The following KIF23 variants were observed in gnomAD, a reference collection of about 807,000 sequenced individuals.
KIF23 encodes kinesin-like protein KIF23.
A neutral mutation model predicts 137.5 loss-of-function variants in KIF23; 30 were observed. That is an observed-to-expected ratio of 0.22 (90% CI 0.16 to 0.30). The LOEUF is 0.30. Among genes scored for constraint, KIF23 ranks in the 10% least tolerant of loss-of-function variants. The pLI is 1.00. For missense variants in KIF23, 920 were observed against 1,194.3 expected, an observed-to-expected ratio of 0.77 and a Z score of 3.38; for synonymous variants, 367 against 391.1, an observed-to-expected ratio of 0.94 and a Z score of 0.73.
chr15:69,429,789 G>A (rs1400164934), intron 11 of KIF23, among the ~76,000 whole-genome samples: 1 of 152,102 alleles, frequency 6.6e-6, no homozygotes, highest in Non-Finnish European at 1.5e-5. Context: ...GGGAGGCCAA[G>A]GCATGTGGAT....
At chr15:69,437,697 G>A (rs2057517359) in intron 15 of KIF23, among the ~76,000 whole-genome samples, 1 of 152,022 alleles carries the variant, frequency 6.6e-6, no homozygotes, top group African/African-American at 2.4e-5. Context: ...CTGACATCGT[G>A]ATCCACCCAC....
intron 10 of KIF23, chr15:69,427,405 A>G (rs1477728590): frequency 2.2e-6 from 1 of 456,044 alleles, no homozygotes; most frequent in Non-Finnish European, 4.4e-6. Flanking sequence ...TAGAGCCTGA[A>G]TTTTGCTGTG....
At position 69,421,924 on chromosome 15, in the gene KIF23, T is replaced by C. The variant is rs896751320; in HGVS notation, c.317-68T>C. The C allele has an allele frequency of 5.1e-6, 8 of 1,562,672 alleles. No homozygotes were observed. The Admixed American group carries it at 1.5e-4, about 28-fold the overall frequency. ...CTGGCTAATTGTTAGTGTTTTCTAA[T>C]GCAGTGAAGAAATACTCTAAGTGGA... On this transcript the variant is annotated intron_variant, in intron 4 of 23. Transcript: ENST00000679126.
chr15:69,426,319 T>C lies in KIF23; in HGVS notation c.890-17T>C. 6.2e-7 allele frequency: 1 copy of C among 1,613,256 alleles called. No individual in the cohort carries two copies. Among genetic ancestry groups the C allele is most frequent in the Non-Finnish European group, 8.5e-7 (1 of 1,179,754 alleles). On this transcript the variant is annotated splice_polypyrimidine_tract_variant and intron_variant, in intron 9 of 23. Transcript: ENST00000679126. ...GACTGAGTTCAGGTTTGACCAATGA[T>C]TTCTCTGTTGTCCTAGGCCAGAAAA...
At chr15:69,441,158 T>C in intron 19 of KIF23, 79 bp downstream of exon 19, 1 of 1,287,520 alleles carries the variant, frequency 7.8e-7, no homozygotes, top group Non-Finnish European at 1.1e-6. Context: ...GTCTGAAAGT[T>C]CATTGGAAAA....
chr15:69,441,301 A>G (rs757855465), intron 19 of KIF23, among the ~76,000 whole-genome samples: 7 of 152,200 alleles, frequency 4.6e-5, no homozygotes, highest in Non-Finnish European at 7.4e-5. Context: ...TTCAGTGAAC[A>G]CAGGTCAGTT....
At chr15:69,423,517 G>A (rs1453318854) in intron 7 of KIF23, among the ~76,000 whole-genome samples, 188 bp downstream of exon 7, 1 of 152,176 alleles carries the variant, frequency 6.6e-6, no homozygotes, top group Non-Finnish European at 1.5e-5. Context: ...ATATGTACCT[G>A]TATTAGGGAA....
chr15:69,419,620 A>T (rs140903720), intron 3 of KIF23, among the ~76,000 whole-genome samples: 47 of 152,198 alleles, frequency 3.1e-4, no homozygotes, highest in African/African-American at 1.1e-3. Flanking sequence ...CCTGGTCTGT[A>T]CTCTGTATGC....
chr15:69,431,823 G>T (rs985845418), intron 11 of KIF23, among the ~76,000 whole-genome samples: 1 of 152,172 alleles, frequency 6.6e-6, no homozygotes, highest in African/African-American at 2.4e-5. Flanking sequence ...ATGTACATTA[G>T]AAGATAGTAA....
At chr15:69,419,698 A>G (rs1408261080) in intron 3 of KIF23, among the ~76,000 whole-genome samples, 1 of 152,202 alleles carries the variant, frequency 6.6e-6, no homozygotes, top group African/African-American at 2.4e-5. Context: ...ACCATAATGT[A>G]AACTTCCAGG....
At chr15:69,433,071 A>G (rs1468887124) in intron 11 of KIF23, among the ~76,000 whole-genome samples, 2 of 152,224 alleles carry the variant, frequency 1.3e-5, no homozygotes, top group East Asian at 1.9e-4. Context: ...GAAAGCTATC[A>G]ATGGATTATT....
rs376569877 is a variant in KIF23 at position 69,440,467 on chromosome 15, G to A, written c.2089G>A (p.Val697Ile). 56 of 1,611,856 alleles carry A rather than the reference G, an allele frequency of 3.5e-5. No homozygotes were observed. In the African/African-American group the frequency reaches 6.8e-4, roughly 20 times the overall value. The stretch of plus-strand genomic sequence containing the variant: ...TCGAGAAAAAGTTACTCAAAGATCT[G>A]TTTCTCCATCACCTGTGCCTGTAAG... ...RDREKVTQRS[V>I]SPSPVPLSSN... is the part of the protein sequence containing the mutation. The change falls in exon 18 of 24, where the codon GTT becomes ATT. Residue 697 changes from valine (V) to isoleucine (I), a missense_variant. This residue lies in a region of KIF23 where 714 missense variants were observed against 866.2 expected (regional missense o/e 0.82). Coordinates refer to ENST00000679126, the MANE Select transcript of KIF23 (RefSeq NM_001367805.3).
chr15:69,440,356 G>A lies in KIF23; in HGVS notation c.1978G>A (p.Val660Ile), dbSNP rs768733979. ...KQLEMQNKLWVKDEKLKQLKA... is the reference protein window; with the variant it reads ...KQLEMQNKLWIKDEKLKQLKA... ...GCTGGAGATGCAGAATAAACTCTGG[G>A]TTAAAGATGAAAAGCTGAAACAACT... is the stretch of plus-strand genomic sequence containing the variant. Residue 660 changes from valine to isoleucine, a missense_variant, in exon 18 of 24, where the codon GTT becomes ATT. This residue lies in a region of KIF23 where 714 missense variants were observed against 866.2 expected (regional missense o/e 0.82). Transcript: ENST00000679126. 4 of 1,613,800 alleles carry A rather than the reference G, an allele frequency of 2.5e-6. No individual in the cohort carries two copies. Among genetic ancestry groups the A allele is most frequent in the African/African-American group, 2.7e-5 (2 of 74,920 alleles).
Position 69,440,913 on chromosome 15 carries a change from C to G in KIF23, c.2255C>G (p.Thr752Arg). ...EWEQKIPTYN[T>R]PLKVTSIARR... Reference sequence around the variant, plus strand: ...GAGCAGAAAATTCCTACGTACAACACACCTCTCAAAGTCACATCTATTGCA... The same window carrying G: ...GAGCAGAAAATTCCTACGTACAACAGACCTCTCAAAGTCACATCTATTGCA... The change falls in exon 19 of 24, where the codon ACA becomes AGA. Residue 752 changes from threonine (T) to arginine (R), a missense_variant. Transcript: ENST00000679126. The G allele has an allele frequency of 6.2e-7, 1 of 1,614,196 alleles. No homozygotes were observed. Among genetic ancestry groups the G allele is most frequent in the East Asian group, 2.2e-5 (1 of 44,886 alleles).
At chr15:69,417,570 T>C in intron 3 of KIF23, 59 bp downstream of exon 3, 1 of 1,530,042 alleles carries the variant, frequency 6.5e-7, no homozygotes. Flanking sequence ...GAATGACTTC[T>C]AGATTTTTAG....
intron 11 of KIF23, chr15:69,434,998 C>T (rs577771054): frequency 1.5e-5 from 9 of 610,176 alleles, no homozygotes; most frequent in East Asian, 1.4e-4. Flanking sequence ...AGAAACAGCA[C>T]GGACTCGCTC....
chr15:69,437,425 G>GTGAA (rs1224466045), intron 15 of KIF23, among the ~76,000 whole-genome samples: 1 of 150,052 alleles, frequency 6.7e-6, no homozygotes, highest in Non-Finnish European at 1.5e-5. Context: ...CTGGTACATA[G>GTGAA]TGAATGTATC....
At chr15:69,427,579 T>C (rs2057232366) in intron 10 of KIF23, 2 of 396,518 alleles carry the variant, frequency 5.0e-6, no homozygotes, top group Non-Finnish European at 1.0e-5. Flanking sequence ...AAGTGGCTAG[T>C]GTTATAAGTT....
In KIF23 at chr15:69,416,057, A is replaced by C; in HGVS notation, c.75A>C (p.Pro25=). 1 of 1,570,892 alleles carries C rather than the reference A, an allele frequency of 6.4e-7. No individual in the cohort carries two copies. The highest frequency in any genetic ancestry group is 8.6e-7 in the Non-Finnish European group (1 of 1,166,572). ...GGTCCCAAACGAACCTTAAAGACCC[A>C]GTTGGGGTAAGGTATCCCTGTAAAT... ...KKGSQTNLKD[P]VGVYCRVRPL... is the part of the protein sequence containing the mutation. Residue 25 remains proline (P), a synonymous_variant, in exon 2 of 24, where the codon CCA becomes CCC. Coordinates refer to ENST00000679126, the MANE Select transcript of KIF23 (RefSeq NM_001367805.3).
Sources: allele counts gnomAD v4.1 joint callset (sites outside exome capture counted in the v4.1 genomes callset), GRCh38; gene constraint gnomAD v4.1.1; regional missense constraint gnomAD v4.1.1; transcripts MANE v1.5; gene names NCBI Gene and HGNC (gene_info 2026-07-23, HGNC 2026-07-21).